The following STX6 variants were observed in gnomAD, a reference collection of about 807,000 sequenced individuals.
STX6 encodes the protein syntaxin-6.
STX6 carries 23 observed loss-of-function variants against 38.0 expected under a neutral mutation model. That is an observed-to-expected ratio of 0.60 (90% CI 0.43 to 0.86). The LOEUF is 0.86. Among genes scored for constraint, STX6 ranks in the 40% least tolerant of loss-of-function variants. The pLI is 0.00. For missense variants in STX6, 274 were observed against 312.9 expected, an observed-to-expected ratio of 0.88 and a Z score of 0.94; for synonymous variants, 123 against 107.5, an observed-to-expected ratio of 1.14 and a Z score of -0.89.
chr1:181,004,838 G>T (rs923485957), intron 2 of STX6, among the ~76,000 whole-genome samples: 1 of 151,980 alleles, frequency 6.6e-6, no homozygotes, highest in Non-Finnish European at 1.5e-5. Context: ...GGCATCTGAA[G>T]TGGGGGCAGT....
At chr1:181,019,875 T>C (rs1656674922) in intron 1 of STX6, among the ~76,000 whole-genome samples, 1 of 151,952 alleles carries the variant, frequency 6.6e-6, no homozygotes, top group African/African-American at 2.4e-5. Context: ...AATTAAAGAG[T>C]ATGTAGGCCG....
At chr1:181,000,003 C>A (rs1656031566) in intron 3 of STX6, among the ~76,000 whole-genome samples, 1 of 152,202 alleles carries the variant, frequency 6.6e-6, no homozygotes, top group Non-Finnish European at 1.5e-5. Context: ...ATCGAGTTAG[C>A]ACCATTGCTA....
At chr1:181,013,514 C>T (rs961230104) in intron 1 of STX6, among the ~76,000 whole-genome samples, 5 of 152,184 alleles carry the variant, frequency 3.3e-5, no homozygotes, top group Admixed American at 2.0e-4. Context: ...GAAACAGGGT[C>T]TCGCTGTTGC....
chr1:181,017,938 C>A (rs983919185), intron 1 of STX6, among the ~76,000 whole-genome samples: 1 of 152,100 alleles, frequency 6.6e-6, no homozygotes, highest in Non-Finnish European at 1.5e-5. Flanking sequence ...GCAATACAGA[C>A]CTATGACAAG....
At chr1:181,005,980 A>G (rs1341120636) in intron 1 of STX6, among the ~76,000 whole-genome samples, 1 of 152,210 alleles carries the variant, frequency 6.6e-6, no homozygotes, top group Non-Finnish European at 1.5e-5. Context: ...TAAACCCAAA[A>G]TCTCATTCAA....
chr1:181,008,999 G>C (rs1026823951), intron 1 of STX6, among the ~76,000 whole-genome samples: 1 of 151,974 alleles, frequency 6.6e-6, no homozygotes, highest in Admixed American at 6.6e-5. Context: ...TTTTCCTAGA[G>C]ACAACCATTT....
chr1:181,020,536 G>C lies in STX6; in HGVS notation c.35+2103C>G, dbSNP rs114848048. On this transcript the variant is annotated intron_variant, in intron 1 of 7. Transcript: ENST00000258301. ...ATAGATCCCAGGACAGCTGAAAGAG[G>C]AAATGAGACCAGAAGCAGGAAGAAC... Among the ~76,000 whole-genome samples, 1,461 of 152,252 alleles carry C rather than the reference G, an allele frequency of 9.6e-3. 24 individuals carry two copies. The highest frequency in any genetic ancestry group is 0.034 in the African/African-American group (1,403 of 41,536).
At position 181,005,406 on chromosome 1, in the gene STX6, G is replaced by A; in HGVS notation, c.93C>T (p.Leu31=). The A allele has an allele frequency of 1.2e-6, 2 of 1,614,090 alleles. No individual in the cohort carries two copies. Among genetic ancestry groups the A allele is most frequent in the Non-Finnish European group, 1.7e-6 (2 of 1,179,986 alleles). ...AQGLFQRWTE[L]LQDPSTATRE... Reference sequence around the variant, plus strand: ...TTGTTGCTGTGGAGGGGTCCTGGAGGAGCTCTGTCCATCTCTGAAACAATC... The same window carrying A: ...TTGTTGCTGTGGAGGGGTCCTGGAGAAGCTCTGTCCATCTCTGAAACAATC... The change falls in exon 2 of 8, where the codon CTC becomes CTT. Residue 31 remains leucine, a synonymous_variant. Transcript: ENST00000258301.
chr1:181,006,017 T>C (rs1371207214), intron 1 of STX6, among the ~76,000 whole-genome samples: 4 of 152,190 alleles, frequency 2.6e-5, no homozygotes, highest in African/African-American at 9.7e-5. Flanking sequence ...GCTTTAAATA[T>C]ACCTACTTTC....
intron 1 of STX6, among the ~76,000 whole-genome samples, chr1:181,017,833 G>A (rs2102335238): frequency 6.6e-6 from 1 of 152,246 alleles, no homozygotes; most frequent in South Asian, 2.1e-4. Context: ...ATATTCTGGA[G>A]GACAACGTGG....
intron 6 of STX6, 27 bp from the exon 7 acceptor site, chr1:180,984,798 G>A (rs1205373071): frequency 1.1e-5 from 13 of 1,146,090 alleles, no homozygotes; most frequent in South Asian, 3.7e-5. Flanking sequence ...ACAGAAGGTC[G>A]CTGGTAAGCA....
At chr1:180,985,003 TAGGAGGACACCACC>T (rs1272654970) in intron 6 of STX6, among the ~76,000 whole-genome samples, 1 of 152,146 alleles carries the variant, frequency 6.6e-6, no homozygotes, top group Non-Finnish European at 1.5e-5. Flanking sequence ...TCGACACCAC[TAGGAGGACACCACC>T]AGGAGGGTCT....
At chr1:181,014,411 A>C (rs1198937139) in intron 1 of STX6, among the ~76,000 whole-genome samples, 1 of 152,094 alleles carries the variant, frequency 6.6e-6, no homozygotes, top group Admixed American at 6.5e-5. Context: ...AAAAAGAAAA[A>C]AAAAGAAAGA....
chr1:181,011,114 T>C (rs1473327525), intron 1 of STX6, among the ~76,000 whole-genome samples: 1 of 152,250 alleles, frequency 6.6e-6, no homozygotes, highest in Admixed American at 6.5e-5. Flanking sequence ...CAACTTGGCT[T>C]ATTCCATTCT....
At position 180,976,351 on chromosome 1, in the gene STX6, T is replaced by G; in HGVS notation, c.*219A>C. The G allele has an allele frequency of 1.9e-6, 1 of 526,984 alleles. No individual in the cohort carries two copies. The highest frequency in any genetic ancestry group is 3.4e-6 in the Non-Finnish European group (1 of 290,382). 32.6% of individuals were successfully genotyped at this position (526,984 alleles called of 1,614,324 possible). ...CGGCATGGGGCTTCTGTTGTCCAGCTGCAGCCAGGAGTGCAGACATCTATT... is the reference window on the plus strand; with the variant it reads ...CGGCATGGGGCTTCTGTTGTCCAGCGGCAGCCAGGAGTGCAGACATCTATT... On this transcript the variant is annotated 3_prime_UTR_variant, in exon 8 of 8. Transcript: ENST00000258301.
chr1:181,022,817 A>G lies in STX6; in HGVS notation c.-144T>C, dbSNP rs936042587. 12 of 753,766 alleles carry G rather than the reference A, an allele frequency of 1.6e-5. No homozygotes were observed. The highest frequency in any genetic ancestry group is 8.3e-5 in the East Asian group (3 of 36,090). 46.7% of individuals were successfully genotyped at this position (753,766 alleles called of 1,614,324 possible). On this transcript the variant is annotated 5_prime_UTR_variant, in exon 1 of 8. Coordinates refer to ENST00000258301, the MANE Select transcript of STX6 (RefSeq NM_005819.6). ...CGAGCAGCGGGCACGCGCACAGGCC[A>G]GGTGCACAGGACGGCCGCTGGTCCA...
At chr1:180,989,839 T>C in intron 5 of STX6, 145 bp downstream of exon 5, 1 of 992,116 alleles carries the variant, frequency 1.0e-6, no homozygotes, top group Non-Finnish European at 1.5e-6. Context: ...CCTTTACATA[T>C]GCAATTATTA....
In STX6 at chr1:180,976,391, G is replaced by T; in HGVS notation, c.*179C>A. 1 of 611,708 alleles carries T rather than the reference G, an allele frequency of 1.6e-6. No individual in the cohort carries two copies. The highest frequency in any genetic ancestry group is 2.9e-6 in the Non-Finnish European group (1 of 340,808). The allele number at this position is 611,708 out of a possible 1,614,324, so 37.9% of individuals were successfully genotyped here. A position where few individuals can be genotyped will look rare whatever the true frequency, so the allele number is the denominator to read the frequency against. On this transcript the variant is annotated 3_prime_UTR_variant, in exon 8 of 8. Coordinates refer to ENST00000258301, the MANE Select transcript of STX6 (RefSeq NM_005819.6). ...AGACATCTATTTCCTCTTCCCACTG[G>T]CCCTTCCAGCGCTGGGATGGAGGAG...
intron 1 of STX6, among the ~76,000 whole-genome samples, chr1:181,009,205 G>A (rs1372979742): frequency 6.6e-6 from 1 of 152,166 alleles, no homozygotes; most frequent in African/African-American, 2.4e-5. Flanking sequence ...AGTGGCTCAT[G>A]CCTGTAATCA....
Sources: allele counts gnomAD v4.1 joint callset (sites outside exome capture counted in the v4.1 genomes callset), GRCh38; gene constraint gnomAD v4.1.1; transcripts MANE v1.5; gene names NCBI Gene and HGNC (gene_info 2026-07-23, HGNC 2026-07-21).